Variants in CDH18 observed in about 807,000 individuals in gnomAD.
CDH18 encodes the protein cadherin-18.
In CDH18, 31 loss-of-function variants were observed where a neutral mutation model predicts 67.9. The observed-to-expected ratio is 0.46, with a 90% CI of 0.34 to 0.62. The LOEUF (loss-of-function observed/expected upper bound fraction) is 0.62. CDH18 is among the 20% of genes least tolerant of loss of function. The pLI is 0.01. For missense variants in CDH18, 890 were observed against 975.5 expected (o/e 0.91, Z 1.17); for synonymous variants, 362 against 347.2 (o/e 1.04, Z -0.48).
intron 2 of CDH18, among the ~76,000 whole-genome samples, chr5:20,082,348 G>T (rs1419863864): frequency 6.6e-6 from 1 of 152,130 alleles, no homozygotes; most frequent in African/African-American, 2.4e-5. Flanking sequence ...TGTGATTTTT[G>T]CACTAAAAGT....
chr5:19,571,896 T>C, intron 7 of CDH18, 64 bp from the exon 8 acceptor site: 1 of 1,237,136 alleles, frequency 8.1e-7, no homozygotes, highest in Non-Finnish European at 1.1e-6. Context: ...CTTTCATTAC[T>C]TTTCAAATAT....
intron 2 of CDH18, among the ~76,000 whole-genome samples, chr5:19,890,289 C>CTTGTGA: frequency 6.6e-6 from 1 of 152,164 alleles, no homozygotes; most frequent in Non-Finnish European, 1.5e-5. Flanking sequence ...TTTACCAACA[C>CTTGTGA]TTGTGATTAC....
intron 5 of CDH18, among the ~76,000 whole-genome samples, chr5:19,620,748 T>C (rs985608121): frequency 1.3e-5 from 2 of 152,170 alleles, no homozygotes; most frequent in African/African-American, 2.4e-5. Context: ...CAATGTGATC[T>C]GTGTTTTCAA....
chr5:20,251,741 T>C (rs757584924), intron 2 of CDH18, among the ~76,000 whole-genome samples: 20 of 152,318 alleles, frequency 1.3e-4, no homozygotes, highest in African/African-American at 2.2e-4. Flanking sequence ...TGTTGCTGCA[T>C]TGCATTTCAT....
chr5:20,081,490 A>T (rs1580194937), intron 2 of CDH18, among the ~76,000 whole-genome samples: 1 of 152,336 alleles, frequency 6.6e-6, no homozygotes, highest in South Asian at 2.1e-4. Context: ...ATAAAGATAC[A>T]TGCATAAATA....
intron 2 of CDH18, among the ~76,000 whole-genome samples, chr5:20,214,816 T>C (rs1320183348): frequency 6.6e-6 from 1 of 151,940 alleles, no homozygotes; most frequent in African/African-American, 2.4e-5. Flanking sequence ...AAAATGCAAC[T>C]GCAACAAAAG....
chr5:19,904,901 G>T (rs545784669), intron 2 of CDH18, among the ~76,000 whole-genome samples: 1 of 152,036 alleles, frequency 6.6e-6, no homozygotes. Flanking sequence ...CTTGAAAAAT[G>T]CAGAGATTCA....
At chr5:19,627,334 G>T (rs552920761) in intron 5 of CDH18, among the ~76,000 whole-genome samples, 4 of 152,098 alleles carry the variant, frequency 2.6e-5, no homozygotes, top group Admixed American at 6.6e-5. Flanking sequence ...AAATTGAGAC[G>T]AACATCATTT....
intron 1 of CDH18, among the ~76,000 whole-genome samples, chr5:20,327,545 A>G (rs2150018481): frequency 6.6e-6 from 1 of 152,158 alleles, no homozygotes; most frequent in Non-Finnish European, 1.5e-5. Context: ...CACAGGTCAC[A>G]GATGCTCCTG....
At chr5:20,561,539 A>G (rs2126647586) in intron 1 of CDH18, among the ~76,000 whole-genome samples, 1 of 152,212 alleles carries the variant, frequency 6.6e-6, no homozygotes, top group East Asian at 1.9e-4. Flanking sequence ...ATTATAAGAA[A>G]TACTGGAAAA....
At chr5:20,124,932 G>C (rs906204657) in intron 2 of CDH18, among the ~76,000 whole-genome samples, 1 of 152,030 alleles carries the variant, frequency 6.6e-6, no homozygotes, top group Admixed American at 6.6e-5. Context: ...TATTTGTAAT[G>C]GTCCTGGATA....
At chr5:20,538,118 C>T (rs530352631) in intron 1 of CDH18, among the ~76,000 whole-genome samples, 45 of 152,030 alleles carry the variant, frequency 3.0e-4, no homozygotes, top group African/African-American at 9.6e-4. Context: ...GCAGAGACAC[C>T]GAAGAGACAA....
chr5:20,488,615 C>T (rs916374833), intron 1 of CDH18, among the ~76,000 whole-genome samples: 14 of 149,666 alleles, frequency 9.4e-5, no homozygotes, highest in African/African-American at 3.2e-4. Context: ...GTGGTCGTTG[C>T]CTTGGTAACG....
In CDH18 at chr5:20,359,095, C is replaced by T. The variant is rs142899606; in HGVS notation, c.-579-103590G>A. 3.4e-3 allele frequency among the ~76,000 whole-genome samples: 523 copies of T among 152,032 alleles called. 1 individual carries two copies. The highest frequency in any genetic ancestry group is 0.01 in the Middle Eastern group (3 of 294). On this transcript the variant is annotated intron_variant, in intron 1 of 14. Transcript: ENST00000507958. ...TACAGGAGTGTGCCACCATGCCTAG[C>T]TAATTTTGTATTTTTAGTAGAGAAG...
At chr5:20,096,992 A>G (rs1030187421) in intron 2 of CDH18, among the ~76,000 whole-genome samples, 4 of 152,150 alleles carry the variant, frequency 2.6e-5, no homozygotes, top group Non-Finnish European at 2.9e-5. Flanking sequence ...CGGATACTCA[A>G]TTGAATACTG....
intron 8 of CDH18, among the ~76,000 whole-genome samples, chr5:19,550,999 T>C (rs1737336905): frequency 1.3e-5 from 2 of 152,218 alleles, no homozygotes; most frequent in South Asian, 2.1e-4. Flanking sequence ...TAAGACCTAG[T>C]ATAGCAAATG....
intron 6 of CDH18, among the ~76,000 whole-genome samples, chr5:19,608,894 G>A (rs1276749284): frequency 4.0e-5 from 6 of 151,804 alleles, no homozygotes; most frequent in African/African-American, 1.4e-4. Flanking sequence ...TCTGTTACTA[G>A]ATGACTTATC....
At chr5:20,521,702 G>T (rs570925539) in intron 1 of CDH18, among the ~76,000 whole-genome samples, 2 of 152,070 alleles carry the variant, frequency 1.3e-5, no homozygotes, top group Admixed American at 6.6e-5. Context: ...CAATAACTCA[G>T]CAGGGAAGAA....
intron 1 of CDH18, among the ~76,000 whole-genome samples, chr5:20,311,357 T>A (rs1736972587): frequency 6.6e-6 from 1 of 152,182 alleles, no homozygotes; most frequent in African/African-American, 2.4e-5. Flanking sequence ...GTATGTTTAT[T>A]GTGGCACTAT....
Sources: gnomAD v4.1 joint callset for allele counts (sites outside exome capture counted in the v4.1 genomes callset) on GRCh38, gnomAD v4.1.1 for gene constraint, MANE v1.5 for transcripts, NCBI Gene and HGNC (gene_info 2026-07-23, HGNC 2026-07-21) for gene names.